CADM2: variants seen among roughly 807,000 people sequenced by gnomAD.
CADM2 encodes cell adhesion molecule 2.
CADM2 carries 12 observed loss-of-function variants against 49.8 expected under a neutral mutation model. That is an observed-to-expected ratio of 0.24 (90% CI 0.15 to 0.39). The LOEUF is 0.39. CADM2 is among the 10% of genes least tolerant of loss of function. CADM2 has a pLI of 1.00. For synonymous variants in CADM2, 214 were observed against 175.4 expected (o/e 1.22, Z -1.74); for missense variants, 378 against 492.3 (o/e 0.77, Z 2.20).
intron 1 of CADM2, among the ~76,000 whole-genome samples, chr3:85,029,043 C>T (rs2034862789): frequency 6.6e-6 from 1 of 151,348 alleles, no homozygotes. Context: ...CATTTATTTC[C>T]TTCTCTATTT....
intron 2 of CADM2, among the ~76,000 whole-genome samples, chr3:85,798,370 A>G (rs1166911866): frequency 6.6e-6 from 1 of 152,158 alleles, no homozygotes; most frequent in African/African-American, 2.4e-5. Flanking sequence ...GATAACATCT[A>G]GGTTTTCATC....
At chr3:86,065,814 A>G (rs1578105143) in intron 9 of CADM2, 84 bp downstream of exon 9, 4 of 1,366,270 alleles carry the variant, frequency 2.9e-6, no homozygotes, top group East Asian at 2.4e-5. Context: ...CAGTGCATAT[A>G]TGTTTCTGTA....
chr3:85,995,605 T>TTA (rs1729281905), intron 8 of CADM2, among the ~76,000 whole-genome samples: 1 of 152,166 alleles, frequency 6.6e-6, no homozygotes, highest in Non-Finnish European at 1.5e-5. Flanking sequence ...AATAAGATAT[T>TTA]TACTTATGAC....
At chr3:85,989,483 T>C (rs1195735358) in intron 8 of CADM2, among the ~76,000 whole-genome samples, 1 of 152,072 alleles carries the variant, frequency 6.6e-6, no homozygotes, top group African/African-American at 2.4e-5. Flanking sequence ...CAATAGGATA[T>C]TCTGTTAATT....
chr3:85,300,801 G>T (rs1235247288), intron 1 of CADM2, among the ~76,000 whole-genome samples: 2 of 152,104 alleles, frequency 1.3e-5, no homozygotes, highest in African/African-American at 4.8e-5. Flanking sequence ...AGAAATGTCG[G>T]ATTGGGGGTC....
intron 1 of CADM2, among the ~76,000 whole-genome samples, chr3:85,467,197 G>T (rs1292754497): frequency 6.6e-6 from 1 of 152,098 alleles, no homozygotes; most frequent in African/African-American, 2.4e-5. Flanking sequence ...AAATCATGGA[G>T]AATGTAGATA....
intron 7 of CADM2, among the ~76,000 whole-genome samples, chr3:85,954,287 A>G (rs1426424592): frequency 2.4e-4 from 36 of 150,998 alleles, no homozygotes; most frequent in Non-Finnish European, 5.3e-4. Context: ...CTATTTATAA[A>G]TTATGTTTAG....
chr3:86,061,988 G>C (rs938320320), intron 8 of CADM2, among the ~76,000 whole-genome samples: 7 of 132,000 alleles, frequency 5.3e-5, no homozygotes, highest in African/African-American at 1.7e-4. Flanking sequence ...GTTGATGGTG[G>C]GGGGGGGGTT....
intron 1 of CADM2, among the ~76,000 whole-genome samples, chr3:85,702,703 T>A: frequency 6.6e-6 from 1 of 152,308 alleles, no homozygotes; most frequent in African/African-American, 2.4e-5. Context: ...CAAAAATCAG[T>A]TTATTTCTTG....
chr3:85,900,794 G>A (rs770869442), intron 5 of CADM2, among the ~76,000 whole-genome samples: 5 of 151,906 alleles, frequency 3.3e-5, no homozygotes, highest in Admixed American at 1.3e-4. Context: ...TTTTCTTCAG[G>A]TTATTTCCAA....
At chr3:85,467,397 C>T (rs2038545234) in intron 1 of CADM2, among the ~76,000 whole-genome samples, 1 of 152,010 alleles carries the variant, frequency 6.6e-6, no homozygotes, top group Non-Finnish European at 1.5e-5. Context: ...AAATGCATAA[C>T]ATATTATAAT....
intron 8 of CADM2, chr3:86,013,381 T>C: frequency 6.5e-7 from 1 of 1,534,180 alleles, no homozygotes; most frequent in Non-Finnish European, 9.0e-7. Context: ...AAGCAAAATA[T>C]ACCTCTGGAT....
chr3:85,480,061 A>G (rs894082942), intron 1 of CADM2, among the ~76,000 whole-genome samples: 1 of 151,790 alleles, frequency 6.6e-6, no homozygotes, highest in African/African-American at 2.4e-5. Context: ...ATTGAAGGTT[A>G]TGGCTTTGAG....
intron 1 of CADM2, among the ~76,000 whole-genome samples, chr3:85,124,539 A>G (rs915581811): frequency 2.6e-5 from 4 of 152,070 alleles, no homozygotes; most frequent in African/African-American, 4.8e-5. Flanking sequence ...CAGGAATTGG[A>G]GGCTGTAATG....
chr3:85,578,905 AG>A (rs2062719276), intron 1 of CADM2, among the ~76,000 whole-genome samples: 1 of 152,178 alleles, frequency 6.6e-6, no homozygotes, highest in Non-Finnish European at 1.5e-5. Context: ...TAAATTGAAA[AG>A]GTGGAGAACT....
At chr3:85,369,738 A>G (rs1426524482) in intron 1 of CADM2, among the ~76,000 whole-genome samples, 1 of 152,148 alleles carries the variant, frequency 6.6e-6, no homozygotes, top group Non-Finnish European at 1.5e-5. Context: ...ATTAAATAGT[A>G]TTATTTTAAA....
chr3:85,859,987 T>A (rs929605241), intron 3 of CADM2, among the ~76,000 whole-genome samples: 1 of 152,200 alleles, frequency 6.6e-6, no homozygotes, highest in Non-Finnish European at 1.5e-5. Context: ...TCATGTTAAA[T>A]TTTGAAAACA....
intron 1 of CADM2, among the ~76,000 whole-genome samples, chr3:85,369,063 C>T (rs374989966): frequency 6.6e-6 from 1 of 152,048 alleles, no homozygotes; most frequent in Non-Finnish European, 1.5e-5. Context: ...CCTTCTAAAA[C>T]GTTTACTGGT....
At chr3:85,184,693 AG>A (rs1471287911) in intron 1 of CADM2, among the ~76,000 whole-genome samples, 1 of 152,096 alleles carries the variant, frequency 6.6e-6, no homozygotes. Context: ...CACCTAAATA[AG>A]TTAGCTGAAT....
Sources: allele counts gnomAD v4.1 joint callset (sites outside exome capture counted in the v4.1 genomes callset), GRCh38; gene constraint gnomAD v4.1.1; transcripts MANE v1.5; gene names NCBI Gene and HGNC (gene_info 2026-07-23, HGNC 2026-07-21).